Variants in ADGRL4 observed in about 807,000 individuals in gnomAD.
The protein encoded by ADGRL4 is adhesion G protein-coupled receptor L4, also known as EGF, latrophilin and seven transmembrane domain containing 1.
Under a neutral mutation model 74.8 loss-of-function variants are expected in ADGRL4, and 90 were observed. The observed-to-expected ratio is 1.20, with a 90% CI of 1.02 to 1.43. The LOEUF (loss-of-function observed/expected upper bound fraction) is 1.43, where lower values mean the gene tolerates loss of function less well. ADGRL4 is among the 40% of genes most tolerant of loss of function. The pLI, the probability that ADGRL4 is intolerant of heterozygous loss-of-function variation, is 0.00. For missense variants in ADGRL4, 881 were observed against 814.3 expected, an observed-to-expected ratio of 1.08 and a Z score of -1.00; for synonymous variants, 311 against 279.2, an observed-to-expected ratio of 1.11 and a Z score of -1.14.
At chr1:78,914,237 A>G (rs1256511408) in intron 12 of ADGRL4, among the ~76,000 whole-genome samples, 1 of 151,928 alleles carries the variant, frequency 6.6e-6, no homozygotes, top group Non-Finnish European at 1.5e-5. Context: ...TTGAATGTCT[A>G]TGATATATAT....
At chr1:78,904,100 A>G (rs1005066420) in intron 12 of ADGRL4, among the ~76,000 whole-genome samples, 1 of 151,906 alleles carries the variant, frequency 6.6e-6, no homozygotes, top group African/African-American at 2.4e-5. Context: ...AAATAGAATA[A>G]TGGCACCAAA....
intron 2 of ADGRL4, among the ~76,000 whole-genome samples, chr1:78,961,883 CTTTT>C (rs775816289): frequency 7.2e-6 from 1 of 138,716 alleles, no homozygotes; most frequent in African/African-American, 2.6e-5. Context: ...GGCTATAATT[CTTTT>C]TTTTTTTTTT....
intron 12 of ADGRL4, among the ~76,000 whole-genome samples, chr1:78,906,001 A>C (rs1648626706): frequency 6.6e-6 from 1 of 151,926 alleles, no homozygotes; most frequent in Admixed American, 6.6e-5. Context: ...TCCAGGAATA[A>C]CTCTGAGTAG....
chr1:78,964,415 G>A (rs1415589342), intron 2 of ADGRL4, among the ~76,000 whole-genome samples: 4 of 152,174 alleles, frequency 2.6e-5, no homozygotes, highest in South Asian at 2.1e-4. Flanking sequence ...AGAAAAGGTC[G>A]CACAATAACC....
At chr1:78,965,178 A>T (rs529526270) in intron 2 of ADGRL4, among the ~76,000 whole-genome samples, 1 of 152,266 alleles carries the variant, frequency 6.6e-6, no homozygotes, top group East Asian at 1.9e-4. Context: ...GTTTTTTAAA[A>T]TTTACAAGCT....
chr1:78,920,535 A>T, intron 9 of ADGRL4, 149 bp from the exon 10 acceptor site: 1 of 593,604 alleles, frequency 1.7e-6, no homozygotes, highest in East Asian at 2.9e-5. Flanking sequence ...TAGATGAGAA[A>T]AATTTTGTAC....
At chr1:78,992,337 A>G (rs1218922543) in intron 2 of ADGRL4, among the ~76,000 whole-genome samples, 1 of 152,080 alleles carries the variant, frequency 6.6e-6, no homozygotes, top group African/African-American at 2.4e-5. Flanking sequence ...TAAATTATGT[A>G]TCTGAATGTA....
chr1:78,987,403 T>C (rs1650519912), intron 2 of ADGRL4, among the ~76,000 whole-genome samples: 1 of 151,748 alleles, frequency 6.6e-6, no homozygotes, highest in Admixed American at 6.6e-5. Flanking sequence ...GTGGGGTAAA[T>C]ATAAAATAAA....
At chr1:78,985,956 G>A (rs188095319) in intron 2 of ADGRL4, among the ~76,000 whole-genome samples, 2 of 151,938 alleles carry the variant, frequency 1.3e-5, no homozygotes, top group East Asian at 3.9e-4. Flanking sequence ...TCCCTTATAA[G>A]TGGGAGCTAA....
chr1:78,904,321 T>C (rs1487799611), intron 12 of ADGRL4, among the ~76,000 whole-genome samples: 1 of 152,018 alleles, frequency 6.6e-6, no homozygotes, highest in African/African-American at 2.4e-5. Context: ...CTTAGATCTA[T>C]ACCTTTGAAT....
chr1:78,955,173 A>C lies in ADGRL4; in HGVS notation c.173-8747T>G, dbSNP rs182739020. Among the ~76,000 whole-genome samples, 196 of 152,232 alleles carry C rather than the reference A, an allele frequency of 1.3e-3. 1 individual carries two copies. Among genetic ancestry groups the C allele is most frequent in the Admixed American group, 3.3e-3 (51 of 15,288 alleles). On this transcript the variant is annotated intron_variant, in intron 2 of 14. Coordinates refer to ENST00000370742, the MANE Select transcript of ADGRL4 (RefSeq NM_022159.4). ...TCATTTCTATAATCATGTTGAGATT[A>C]TGTATTTAAATATTACTGAGTACAG...
chr1:78,975,675 T>C (rs988885778), intron 2 of ADGRL4, among the ~76,000 whole-genome samples: 3 of 152,062 alleles, frequency 2.0e-5, no homozygotes, highest in African/African-American at 4.8e-5. Context: ...CTCAATAGTA[T>C]GCATTTGTCA....
chr1:78,895,790 A>G (rs1224033569), intron 12 of ADGRL4, among the ~76,000 whole-genome samples: 3 of 152,088 alleles, frequency 2.0e-5, no homozygotes, highest in Non-Finnish European at 4.4e-5. Flanking sequence ...ATTTTATTTG[A>G]AGTGCAAAGG....
chr1:78,922,556 A>G (rs1649022428), intron 8 of ADGRL4, among the ~76,000 whole-genome samples: 1 of 152,048 alleles, frequency 6.6e-6, no homozygotes, highest in East Asian at 1.9e-4. Context: ...AACTAATCAT[A>G]ACACTATACC....
intron 2 of ADGRL4, among the ~76,000 whole-genome samples, chr1:78,987,102 TAGTTA>T (rs748684934): frequency 1.1e-4 from 16 of 151,822 alleles, no homozygotes; most frequent in Non-Finnish European, 2.2e-4. Flanking sequence ...CCAAGAATAT[TAGTTA>T]AAAGTACCTG....
intron 2 of ADGRL4, among the ~76,000 whole-genome samples, chr1:78,950,288 C>G (rs1391521155): frequency 6.6e-6 from 1 of 152,016 alleles, no homozygotes; most frequent in Non-Finnish European, 1.5e-5. Context: ...CCTGCAGGAA[C>G]AGCGTAATTT....
intron 2 of ADGRL4, among the ~76,000 whole-genome samples, chr1:78,998,539 T>A (rs1327594162): frequency 6.6e-6 from 1 of 152,026 alleles, no homozygotes; most frequent in Admixed American, 6.6e-5. Flanking sequence ...CCAGCTAATT[T>A]TTGTATTTTT....
At chr1:78,924,020 C>A (rs1278370223) in intron 8 of ADGRL4, among the ~76,000 whole-genome samples, 3 of 151,830 alleles carry the variant, frequency 2.0e-5, no homozygotes, top group Admixed American at 6.6e-5. Flanking sequence ...CACCAAAGTA[C>A]ATCTTAAAGA....
At chr1:79,005,878 A>G (rs1223987781) in intron 1 of ADGRL4, among the ~76,000 whole-genome samples, 1 of 152,226 alleles carries the variant, frequency 6.6e-6, no homozygotes, top group Non-Finnish European at 1.5e-5. Context: ...GAAACTCAAG[A>G]TTATAGTCAA....
Sources: gnomAD v4.1 joint callset for allele counts (sites outside exome capture counted in the v4.1 genomes callset) on GRCh38, gnomAD v4.1.1 for gene constraint, MANE v1.5 for transcripts, NCBI Gene and HGNC (gene_info 2026-07-23, HGNC 2026-07-21) for gene names.